LRRTM4: variants seen among roughly 807,000 people sequenced by gnomAD.
LRRTM4 encodes leucine rich repeat transmembrane neuronal 4, also known as leucine-rich repeat transmembrane neuronal protein 4.
LRRTM4 carries 25 observed loss-of-function variants against 47.6 expected under a neutral mutation model. The ratio of observed to expected loss-of-function variants is 0.53; its 90% CI spans 0.38 to 0.73. LRRTM4 has a LOEUF of 0.73. Ranked by LOEUF, LRRTM4 falls within the 30% of genes least tolerant of loss-of-function variation. The pLI is 0.00. For synonymous variants in LRRTM4, 311 were observed against 269.5 expected (o/e 1.15, Z -1.51); for missense variants, 638 against 713.4 (o/e 0.89, Z 1.20).
intron 3 of LRRTM4, among the ~76,000 whole-genome samples, chr2:76,936,531 C>T (rs776685740): frequency 4.0e-5 from 6 of 149,644 alleles, no homozygotes; most frequent in Non-Finnish European, 7.4e-5. Flanking sequence ...CACGTGTATG[C>T]CTATGTAAGA....
chr2:77,033,153 G>T (rs1012619743), intron 3 of LRRTM4, among the ~76,000 whole-genome samples: 4 of 151,954 alleles, frequency 2.6e-5, no homozygotes, highest in African/African-American at 9.7e-5. Flanking sequence ...CAGCTACAGA[G>T]AGAGAACAAT....
chr2:76,813,041 G>C (rs182668201), intron 3 of LRRTM4, among the ~76,000 whole-genome samples: 1 of 151,840 alleles, frequency 6.6e-6, no homozygotes, highest in Non-Finnish European at 1.5e-5. Context: ...GTGGGCACCC[G>C]TAATCCCAGC....
At position 76,914,242 on chromosome 2, in the gene LRRTM4, G is replaced by T. The variant is rs1674168387; in HGVS notation, c.1552-165326C>A. Among the ~76,000 whole-genome samples, 3 of 151,752 alleles carry T rather than the reference G, an allele frequency of 2.0e-5. No homozygotes were observed. The South Asian group carries it at 6.2e-4, about 31-fold the overall frequency. On this transcript the variant is annotated intron_variant, in intron 3 of 3. Transcript: ENST00000409884. ...TCAATAACTTTATATTATTAATGAA[G>T]AACCATACATGAATAATTTAATATA...
chr2:77,503,191 T>C (rs1392249528), intron 3 of LRRTM4, among the ~76,000 whole-genome samples: 2 of 151,458 alleles, frequency 1.3e-5, no homozygotes, highest in Non-Finnish European at 1.5e-5. Context: ...ACAAATTCAA[T>C]GGAACAAGAG....
intron 3 of LRRTM4, among the ~76,000 whole-genome samples, chr2:76,855,134 G>A (rs570195340): frequency 1.3e-5 from 2 of 152,276 alleles, no homozygotes; most frequent in Admixed American, 6.5e-5. Context: ...GAGCAAAGGC[G>A]GTTGCTCAGG....
At chr2:76,818,983 T>G (rs1670978650) in intron 3 of LRRTM4, among the ~76,000 whole-genome samples, 1 of 151,748 alleles carries the variant, frequency 6.6e-6, no homozygotes, top group Admixed American at 6.6e-5. Context: ...TATGTTGTCC[T>G]AAATAATTGT....
intron 3 of LRRTM4, among the ~76,000 whole-genome samples, chr2:76,782,322 A>G (rs964958394): frequency 4.6e-5 from 7 of 152,344 alleles, no homozygotes; most frequent in African/African-American, 1.7e-4. Context: ...AATCTACAGT[A>G]CATATCAAGC....
At chr2:77,221,784 T>C (rs1291315712) in intron 3 of LRRTM4, among the ~76,000 whole-genome samples, 1 of 151,984 alleles carries the variant, frequency 6.6e-6, no homozygotes, top group Non-Finnish European at 1.5e-5. Flanking sequence ...ACTGTCAACA[T>C]TAGACAGATC....
intron 3 of LRRTM4, among the ~76,000 whole-genome samples, chr2:77,070,814 A>G (rs1473686459): frequency 6.6e-6 from 1 of 152,130 alleles, no homozygotes; most frequent in African/African-American, 2.4e-5. Context: ...TATTATTAGT[A>G]GAGACGGGGT....
At chr2:77,285,140 T>C (rs908159399) in intron 3 of LRRTM4, among the ~76,000 whole-genome samples, 4 of 151,802 alleles carry the variant, frequency 2.6e-5, no homozygotes, top group African/African-American at 9.7e-5. Context: ...AACATTTTTG[T>C]GGGTTGTTTT....
chr2:76,986,194 G>A (rs1676788419), intron 3 of LRRTM4, among the ~76,000 whole-genome samples: 1 of 150,324 alleles, frequency 6.7e-6, no homozygotes, highest in African/African-American at 2.5e-5. Context: ...AATTTTCATT[G>A]TTTGACTTGA....
At chr2:77,411,324 C>A (rs1175433851) in intron 3 of LRRTM4, among the ~76,000 whole-genome samples, 1 of 152,046 alleles carries the variant, frequency 6.6e-6, no homozygotes, top group Non-Finnish European at 1.5e-5. Context: ...ACATCTTGCC[C>A]CAGGATAAGG....
At chr2:77,117,139 TTTTAATTGCTAAATGGTATTC>T in intron 3 of LRRTM4, among the ~76,000 whole-genome samples, 1 of 152,248 alleles carries the variant, frequency 6.6e-6, no homozygotes, top group South Asian at 2.1e-4. Context: ...AGTTTATTCC[TTTTAATTGCTAAATGGTATTC>T]TTTTGTATGG....
intron 3 of LRRTM4, among the ~76,000 whole-genome samples, chr2:76,959,294 A>G (rs1054971931): frequency 1.3e-5 from 2 of 151,652 alleles, no homozygotes; most frequent in African/African-American, 4.8e-5. Flanking sequence ...AGAGGACAGC[A>G]TTTTGAATAT....
At chr2:77,414,803 T>C (rs886950469) in intron 3 of LRRTM4, among the ~76,000 whole-genome samples, 1 of 150,718 alleles carries the variant, frequency 6.6e-6, no homozygotes, top group African/African-American at 2.4e-5. Flanking sequence ...CTCTATACCA[T>C]CTTCCCTCGC....
At chr2:76,973,671 G>C (rs1676297809) in intron 3 of LRRTM4, among the ~76,000 whole-genome samples, 1 of 151,880 alleles carries the variant, frequency 6.6e-6, no homozygotes, top group South Asian at 2.1e-4. Flanking sequence ...TGCTAATACA[G>C]GCGAATAACC....
At chr2:77,182,064 T>C (rs1223908623) in intron 3 of LRRTM4, among the ~76,000 whole-genome samples, 3 of 152,170 alleles carry the variant, frequency 2.0e-5, no homozygotes, top group Non-Finnish European at 1.5e-5. Flanking sequence ...AGCAATCCCA[T>C]TACTGGGTAT....
At chr2:76,821,705 ATAATGCAT>A (rs1241717449) in intron 3 of LRRTM4, among the ~76,000 whole-genome samples, 1 of 151,776 alleles carries the variant, frequency 6.6e-6, no homozygotes, top group Admixed American at 6.6e-5. Flanking sequence ...ACAGTAGAAA[ATAATGCAT>A]TAATACACTC....
At chr2:76,930,250 C>A (rs1674726696) in intron 3 of LRRTM4, among the ~76,000 whole-genome samples, 1 of 152,040 alleles carries the variant, frequency 6.6e-6, no homozygotes, top group South Asian at 2.1e-4. Context: ...TCTTGGGGGC[C>A]CTTTGGCCTC....
Sources: allele counts gnomAD v4.1 joint callset (sites outside exome capture counted in the v4.1 genomes callset), GRCh38; gene constraint gnomAD v4.1.1; transcripts MANE v1.5; gene names NCBI Gene and HGNC (gene_info 2026-07-23, HGNC 2026-07-21).